Variants in HMGA1 observed in about 807,000 individuals in gnomAD.
HMGA1 encodes high mobility group AT-hook 1.
In HMGA1, 1 loss-of-function variant was observed where a neutral mutation model predicts 15.1. The ratio of observed to expected loss-of-function variants is 0.07; its 90% CI spans 0.02 to 0.31. HMGA1 has a LOEUF of 0.31. Ranked by LOEUF, HMGA1 falls within the 10% of genes least tolerant of loss-of-function variation. The pLI, the probability that HMGA1 is intolerant of heterozygous loss-of-function variation, is 1.00. For synonymous variants in HMGA1, 56 were observed against 54.8 expected (o/e 1.02, Z -0.10); for missense variants, 94 against 141.4 (o/e 0.66, Z 1.70).
chr6:34,240,883 G>T lies in HMGA1; in HGVS notation c.103G>T (p.Val35Leu), dbSNP rs1024520465. 3 of 1,613,628 alleles carry T rather than the reference G, an allele frequency of 1.9e-6. No homozygotes were observed. The highest frequency in any genetic ancestry group is 2.5e-6 in the Non-Finnish European group (3 of 1,179,800). ...GGGCAGGCCGCGCAAGCAGCCTCCG[G>T]TGAGTCCCGGGACAGCGCTGGTAGG... is the stretch of plus-strand genomic sequence containing the variant. ...GRGRPRKQPP[V>L]SPGTALVGSQ... Residue 35 changes from valine (V) to leucine (L), a missense_variant, in exon 3 of 6, where the codon GTG becomes TTG. Transcript: ENST00000311487.
intron 2 of HMGA1, chr6:34,238,729 C>G (rs1762042935): frequency 6.6e-6 from 1 of 151,972 alleles, no homozygotes; most frequent in African/African-American, 2.4e-5. Context: ...GTTTCTTGGC[C>G]TCACTGGAAA....
intron 5 of HMGA1, among the ~76,000 whole-genome samples, chr6:34,243,772 C>CCCT (rs1762489782): frequency 6.6e-6 from 1 of 152,142 alleles, no homozygotes; most frequent in Non-Finnish European, 1.5e-5. Context: ...GGGGGTCCCT[C>CCCT]CCTCTCCTGC....
chr6:34,238,047 T>C (rs1265643297), intron 2 of HMGA1, among the ~76,000 whole-genome samples: 1 of 152,074 alleles, frequency 6.6e-6, no homozygotes, highest in African/African-American at 2.4e-5. Flanking sequence ...TTCTATTTTA[T>C]TTTCTTCTGG....
At chr6:34,244,334 CCCACCCCGGCCTAGGGTCAGCCCTCGG>C (rs988076353) in intron 5 of HMGA1, among the ~76,000 whole-genome samples, 1 of 152,110 alleles carries the variant, frequency 6.6e-6, no homozygotes, top group Admixed American at 6.5e-5. Context: ...CCCCTTCCTC[CCCACCCCGGCCTAGGGTCAGCCCTCGG>C]CCACCCCGGA....
chr6:34,240,350 C>A (rs920814459), intron 2 of HMGA1, among the ~76,000 whole-genome samples: 1 of 152,216 alleles, frequency 6.6e-6, no homozygotes, highest in Non-Finnish European at 1.5e-5. Context: ...CAGCAGTTGA[C>A]TACAGAAGGA....
chr6:34,245,514 T>C lies in HMGA1; in HGVS notation c.*630T>C. The C allele has an allele frequency of 1.4e-6, 2 of 1,382,492 alleles. No individual in the cohort carries two copies. The highest frequency in any genetic ancestry group is 9.6e-7 in the Non-Finnish European group (1 of 1,037,108). The allele number at this position is 1,382,492 out of a possible 1,614,324, so 85.6% of individuals were successfully genotyped here. A position where few individuals can be genotyped will look rare whatever the true frequency, so the allele number is the denominator to read the frequency against. ...CCCCGTACTAGGTTGGACAGCCCCC[T>C]TCGGTTACAGGAAGGCAGGAGGGGT... On this transcript the variant is annotated 3_prime_UTR_variant, in exon 6 of 6. Coordinates refer to ENST00000311487, the MANE Select transcript of HMGA1 (RefSeq NM_145899.3).
At chr6:34,242,881 C>T in intron 4 of HMGA1, 86 bp downstream of exon 4, 1 of 994,572 alleles carries the variant, frequency 1.0e-6, no homozygotes, top group Admixed American at 2.0e-5. Flanking sequence ...GTGGGGAGGT[C>T]TGGGAAGGGG....
At chr6:34,238,166 C>A (rs1018656732) in intron 2 of HMGA1, among the ~76,000 whole-genome samples, 3 of 152,166 alleles carry the variant, frequency 2.0e-5, no homozygotes, top group African/African-American at 7.2e-5. Context: ...CCCCCTCTGG[C>A]AGGAAGTGGG....
In HMGA1 at chr6:34,245,427, C is replaced by T. The variant is rs773666182; in HGVS notation, c.*543C>T. 4 of 1,365,326 alleles carry T rather than the reference C, an allele frequency of 2.9e-6. No individual in the cohort carries two copies. Among genetic ancestry groups the T allele is most frequent in the Non-Finnish European group, 3.9e-6 (4 of 1,034,434 alleles). The allele number at this position is 1,365,326 out of a possible 1,614,324, so 84.6% of individuals were successfully genotyped here. A position where few individuals can be genotyped will look rare whatever the true frequency, so the allele number is the denominator to read the frequency against. On this transcript the variant is annotated 3_prime_UTR_variant, in exon 6 of 6. Transcript: ENST00000311487. ...GGGGTGCTGGCCCCCAGGATTCCCC[C>T]AGCCAAACTGTCTTTGTCACCACGT... is the stretch of plus-strand genomic sequence containing the variant.
At chr6:34,242,083 TTA>T in intron 3 of HMGA1, among the ~76,000 whole-genome samples, 1 of 152,312 alleles carries the variant, frequency 6.6e-6, no homozygotes, top group South Asian at 2.1e-4. Context: ...ACCACACACC[TTA>T]TATGCATTAT....
At chr6:34,243,937 AGG>A (rs1432197337) in intron 5 of HMGA1, among the ~76,000 whole-genome samples, 1 of 152,044 alleles carries the variant, frequency 6.6e-6, no homozygotes, top group East Asian at 1.9e-4. Flanking sequence ...GGGCCCTGGG[AGG>A]GGTCGGTGCT....
intron 2 of HMGA1, among the ~76,000 whole-genome samples, chr6:34,239,657 G>C (rs115226583): frequency 6.6e-6 from 1 of 150,730 alleles, no homozygotes; most frequent in Non-Finnish European, 1.5e-5. Flanking sequence ...CTAGGCCTCC[G>C]GCGTCTCATC....
At chr6:34,241,280 AC>A (rs1762287542) in intron 3 of HMGA1, among the ~76,000 whole-genome samples, 1 of 152,246 alleles carries the variant, frequency 6.6e-6, no homozygotes, top group Non-Finnish European at 1.5e-5. Flanking sequence ...AGACGAATGA[AC>A]AAAAATGAAC....
At chr6:34,243,766 G>A (rs1326835653) in intron 5 of HMGA1, among the ~76,000 whole-genome samples, 14 of 152,224 alleles carry the variant, frequency 9.2e-5, no homozygotes, top group Non-Finnish European at 2.1e-4. Context: ...GTGTGTGGGG[G>A]TCCCTCCCTC....
chr6:34,243,606 C>A, intron 5 of HMGA1, 88 bp downstream of exon 5: 5 of 1,077,716 alleles, frequency 4.6e-6, no homozygotes, highest in Non-Finnish European at 7.1e-6. Flanking sequence ...TATGCACCCC[C>A]TATGGAAAGG....
chr6:34,239,162 C>G (rs1762085876), intron 2 of HMGA1, among the ~76,000 whole-genome samples: 1 of 152,158 alleles, frequency 6.6e-6, no homozygotes, highest in African/African-American at 2.4e-5. Flanking sequence ...GTCCTGCTGT[C>G]TGGAGGGTCT....
Position 34,237,274 on chromosome 6 carries a change from C to G in HMGA1, c.-88C>G, listed in dbSNP as rs916583710. ...CCTCAGCGCCCAGCACCGCCGCTCC[C>G]GGCAACCCGGAGCGCGCACCGCAGG... On this transcript the variant is annotated 5_prime_UTR_variant, in exon 2 of 6. Coordinates refer to ENST00000311487, the MANE Select transcript of HMGA1 (RefSeq NM_145899.3). 1.3e-5 allele frequency: 2 copies of G among 148,460 alleles called. No individual in the cohort carries two copies. The highest frequency in any genetic ancestry group is 2.0e-4 in the East Asian group (1 of 5,098). The allele number at this position is 148,460 out of a possible 1,614,324, so 9.2% of individuals were successfully genotyped here.
chr6:34,244,764 G>T, intron 5 of HMGA1, 67 bp from the exon 6 acceptor site: 1 of 1,390,278 alleles, frequency 7.2e-7, no homozygotes, highest in Non-Finnish European at 1.0e-6. Flanking sequence ...AGCGGGTGGG[G>T]CCAGCCTCTG....
rs1427703963 is a variant in HMGA1 at position 34,236,941 on chromosome 6, C to G, written c.-181C>G. On this transcript the variant is annotated 5_prime_UTR_variant, in exon 1 of 6. Coordinates refer to ENST00000311487, the MANE Select transcript of HMGA1 (RefSeq NM_145899.3). ...GACTCCGAGCCGGGGCTATTTCTGG[C>G]GCTGGCGCGGCTCCAAGAAGGCGTG... 2.0e-5 allele frequency: 3 copies of G among 152,538 alleles called. No individual in the cohort carries two copies. The highest frequency in any genetic ancestry group is 2.9e-5 in the Non-Finnish European group (2 of 68,066). 9.4% of individuals were successfully genotyped at this position (152,538 alleles called of 1,614,324 possible). A position where few individuals can be genotyped will look rare whatever the true frequency, so the allele number is the denominator to read the frequency against.
Sources: allele counts gnomAD v4.1 joint callset (sites outside exome capture counted in the v4.1 genomes callset), GRCh38; gene constraint gnomAD v4.1.1; transcripts MANE v1.5; gene names NCBI Gene and HGNC (gene_info 2026-07-23, HGNC 2026-07-21).